SLC1A1: variants seen among roughly 807,000 people sequenced by gnomAD.
The protein encoded by SLC1A1 is solute carrier family 1 member 1.
Under a neutral mutation model 53.3 loss-of-function variants are expected in SLC1A1, and 43 were observed. That is an observed-to-expected ratio of 0.81 (90% CI 0.63 to 1.04). SLC1A1 has a LOEUF of 1.04. SLC1A1 is among the 50% of genes least tolerant of loss of function. The probability of loss-of-function intolerance (pLI) is 0.00; values close to 1 mark genes in which losing one functional copy is unlikely to be tolerated. For missense variants in SLC1A1, 748 were observed against 664.9 expected (o/e 1.12, Z -1.37); for synonymous variants, 307 against 243.2 (o/e 1.26, Z -2.44).
At chr9:4,512,943 T>C (rs1189956621) in intron 1 of SLC1A1, among the ~76,000 whole-genome samples, 1 of 152,076 alleles carries the variant, frequency 6.6e-6, no homozygotes, top group Non-Finnish European at 1.5e-5. Flanking sequence ...CAATTGATTT[T>C]TGACAAAGGT....
At chr9:4,491,531 G>A (rs1820236661) in intron 1 of SLC1A1, among the ~76,000 whole-genome samples, 3 of 152,220 alleles carry the variant, frequency 2.0e-5, no homozygotes, top group South Asian at 2.1e-4. Context: ...TTAAACAAGG[G>A]TGTATTTAAG....
intron 3 of SLC1A1, among the ~76,000 whole-genome samples, chr9:4,561,972 G>T (rs1319398278): frequency 6.6e-6 from 1 of 151,896 alleles, no homozygotes; most frequent in Non-Finnish European, 1.5e-5. Flanking sequence ...TGCCCAGGCT[G>T]GTCTTGAACT....
chr9:4,503,700 G>T (rs1018422073), intron 1 of SLC1A1, among the ~76,000 whole-genome samples: 1 of 151,932 alleles, frequency 6.6e-6, no homozygotes, highest in African/African-American at 2.4e-5. Context: ...TAATATATGT[G>T]TTGCTGTGCT....
intron 3 of SLC1A1, among the ~76,000 whole-genome samples, chr9:4,563,679 T>C (rs531336533): frequency 6.6e-6 from 1 of 152,298 alleles, no homozygotes; most frequent in South Asian, 2.1e-4. Context: ...GCTTGGATAC[T>C]CAAGTGACAG....
chr9:4,570,626 C>T (rs1488857020), intron 6 of SLC1A1, among the ~76,000 whole-genome samples: 1 of 152,172 alleles, frequency 6.6e-6, no homozygotes, highest in African/African-American at 2.4e-5. Context: ...CTGCCTCAGC[C>T]TCCCAAAATG....
intron 1 of SLC1A1, among the ~76,000 whole-genome samples, chr9:4,517,573 C>T (rs1328937577): frequency 6.6e-6 from 1 of 150,492 alleles, no homozygotes; most frequent in African/African-American, 2.4e-5. Context: ...CACTGGTCAC[C>T]TTCCCTCTTC....
chr9:4,513,600 T>C (rs756273870), intron 1 of SLC1A1, among the ~76,000 whole-genome samples: 3 of 152,132 alleles, frequency 2.0e-5, no homozygotes, highest in African/African-American at 7.2e-5. Context: ...ACTGCTGATA[T>C]GGGAATATAA....
chr9:4,506,596 A>G (rs1820818722), intron 1 of SLC1A1, among the ~76,000 whole-genome samples: 1 of 152,048 alleles, frequency 6.6e-6, no homozygotes, highest in Non-Finnish European at 1.5e-5. Context: ...ATCTACGTCT[A>G]CTTTTGCTTA....
chr9:4,560,144 A>G (rs1818795304), intron 2 of SLC1A1: 2 of 152,252 alleles, frequency 1.3e-5, no homozygotes, highest in South Asian at 4.1e-4. Context: ...TTTTTCAAAT[A>G]GAAATTTTAA....
At chr9:4,498,245 T>G (rs1427954406) in intron 1 of SLC1A1, among the ~76,000 whole-genome samples, 1 of 152,230 alleles carries the variant, frequency 6.6e-6, no homozygotes, top group Non-Finnish European at 1.5e-5. Context: ...GTTCTGTGTT[T>G]GAACTGCTGA....
At chr9:4,519,387 A>T (rs1015507850) in intron 1 of SLC1A1, among the ~76,000 whole-genome samples, 1 of 152,264 alleles carries the variant, frequency 6.6e-6, no homozygotes, top group East Asian at 1.9e-4. Flanking sequence ...TAGATAAAGC[A>T]ATCAAAAAGC....
chr9:4,502,569 CAAT>C (rs1820673565), intron 1 of SLC1A1, among the ~76,000 whole-genome samples: 1 of 151,418 alleles, frequency 6.6e-6, no homozygotes, highest in South Asian at 2.1e-4. Context: ...ACCCTCAGTA[CAAT>C]GAGTTAGGGG....
intron 7 of SLC1A1, among the ~76,000 whole-genome samples, chr9:4,573,214 T>G (rs2129783077): frequency 6.6e-6 from 1 of 152,302 alleles, no homozygotes; most frequent in East Asian, 1.9e-4. Context: ...GATGCATCTG[T>G]CTCGCTTACC....
At chr9:4,498,921 T>C (rs1820535550) in intron 1 of SLC1A1, among the ~76,000 whole-genome samples, 2 of 146,992 alleles carry the variant, frequency 1.4e-5, no homozygotes, top group African/African-American at 5.0e-5. Context: ...TACATACATA[T>C]ACATATGTAT....
At position 4,556,435 on chromosome 9, in the gene SLC1A1, C is replaced by T. The variant is rs1185610791; in HGVS notation, c.233-5014C>T. On this transcript the variant is annotated intron_variant, in intron 2 of 11. Transcript: ENST00000262352. The surrounding 1 kb of genome is among the most constrained non-coding windows in gnomAD (Gnocchi z 4.1). Reference sequence around the variant, plus strand: ...TGCCATCACACCTGCTTAGTTCATTCTCATTTATCACCCCCTATAGGACAG... The same window carrying T: ...TGCCATCACACCTGCTTAGTTCATTTTCATTTATCACCCCCTATAGGACAG... Among the ~76,000 whole-genome samples, 2 of 152,178 alleles carry T rather than the reference C, an allele frequency of 1.3e-5. No individual in the cohort carries two copies. The highest frequency in any genetic ancestry group is 4.8e-5 in the African/African-American group (2 of 41,448).
chr9:4,572,786 C>A (rs978252234), intron 7 of SLC1A1, among the ~76,000 whole-genome samples: 13 of 152,214 alleles, frequency 8.5e-5, no homozygotes, highest in Non-Finnish European at 1.3e-4. Context: ...TAGGCTCAAG[C>A]AATCTACCCA....
intron 8 of SLC1A1, among the ~76,000 whole-genome samples, chr9:4,574,498 T>A (rs1586840602): frequency 6.6e-6 from 1 of 152,164 alleles, no homozygotes; most frequent in Non-Finnish European, 1.5e-5. Context: ...CACCACCATG[T>A]CCTGCAGCAT....
intron 1 of SLC1A1, among the ~76,000 whole-genome samples, chr9:4,499,343 C>G (rs868792038): frequency 1.1e-3 from 166 of 152,058 alleles, no homozygotes; most frequent in African/African-American, 3.8e-3. Flanking sequence ...CGGGGCCCAG[C>G]CATATATTAT....
At chr9:4,494,135 C>T (rs1479887516) in intron 1 of SLC1A1, among the ~76,000 whole-genome samples, 2 of 152,164 alleles carry the variant, frequency 1.3e-5, no homozygotes, top group African/African-American at 2.4e-5. Flanking sequence ...CATTACAATT[C>T]TTATAGGCTT....
Sources: allele counts gnomAD v4.1 joint callset (sites outside exome capture counted in the v4.1 genomes callset), GRCh38; gene constraint gnomAD v4.1.1; non-coding constraint Gnocchi (gnomAD v3.1); transcripts MANE v1.5; gene names NCBI Gene and HGNC (gene_info 2026-07-23, HGNC 2026-07-21).